The following A1CF variants were observed in gnomAD, a reference collection of about 807,000 sequenced individuals.
The protein encoded by A1CF is APOBEC1 complementation factor, also known as APOBEC-1 stimulating protein.
A neutral mutation model predicts 68.9 loss-of-function variants in A1CF; 48 were observed. The observed-to-expected ratio is 0.70, with a 90% CI of 0.55 to 0.89. The LOEUF (loss-of-function observed/expected upper bound fraction) is 0.89. Ranked by LOEUF, A1CF falls within the 40% of genes least tolerant of loss-of-function variation. The pLI is 0.00. For missense variants in A1CF, 653 were observed against 718.9 expected (o/e 0.91, Z 1.05); for synonymous variants, 272 against 260.4 (o/e 1.04, Z -0.43).
At chr10:50,862,629 A>G (rs756205079) in intron 2 of A1CF, among the ~76,000 whole-genome samples, 4 of 152,166 alleles carry the variant, frequency 2.6e-5, no homozygotes, top group Non-Finnish European at 4.4e-5. Flanking sequence ...AGGGCATTGC[A>G]TTTTAGGGGG....
At chr10:50,872,665 ATG>A (rs1841323748) in intron 1 of A1CF, among the ~76,000 whole-genome samples, 1 of 152,120 alleles carries the variant, frequency 6.6e-6, no homozygotes. Flanking sequence ...CTGAAGCACT[ATG>A]GTAACTTAGC....
intron 9 of A1CF, among the ~76,000 whole-genome samples, chr10:50,815,702 A>G (rs1400604496): frequency 6.6e-6 from 1 of 152,190 alleles, no homozygotes; most frequent in Non-Finnish European, 1.5e-5. Context: ...GACAAGTGAT[A>G]TAGAAGAAGC....
intron 1 of A1CF, among the ~76,000 whole-genome samples, chr10:50,867,053 T>C (rs1471578552): frequency 6.7e-6 from 1 of 150,212 alleles, no homozygotes; most frequent in Non-Finnish European, 1.5e-5. Flanking sequence ...AAATGGTAAA[T>C]TGGGGAAGAT....
chr10:50,816,210 T>C lies in A1CF; in HGVS notation c.937A>G (p.Thr313Ala). Residue 313 changes from threonine to alanine, a missense_variant, in exon 9 of 13, where the codon ACC becomes GCC. By Grantham distance (58) the Thr-to-Ala change is moderately conservative. Transcript: ENST00000373997. ...PVDKDSYVRY[T>A]RGTGGRGTML... ...GTGCCCCTTCCACCTGTGCCTCGGG[T>C]ATACCTAACATAACTGTCCTTGTCC... 1 of 1,613,796 alleles carries C rather than the reference T, an allele frequency of 6.2e-7. No individual in the cohort carries two copies. Among genetic ancestry groups the C allele is most frequent in the South Asian group, 1.1e-5 (1 of 91,080 alleles).
chr10:50,882,969 T>C (rs1378783175), intron 1 of A1CF, among the ~76,000 whole-genome samples: 2 of 152,196 alleles, frequency 1.3e-5, no homozygotes, highest in Non-Finnish European at 2.9e-5. Context: ...TGGGGTTTTA[T>C]AACTAAGAGT....
chr10:50,837,720 C>A (rs931332232), intron 5 of A1CF, among the ~76,000 whole-genome samples: 6 of 152,136 alleles, frequency 3.9e-5, no homozygotes, highest in Non-Finnish European at 8.8e-5. Flanking sequence ...TTCTAAATGC[C>A]CCCTTGGGTG....
At chr10:50,835,790 T>C (rs1213866128) in intron 6 of A1CF, among the ~76,000 whole-genome samples, 1 of 152,052 alleles carries the variant, frequency 6.6e-6, no homozygotes, top group Non-Finnish European at 1.5e-5. Flanking sequence ...ATTGATATAC[T>C]TAATTTTAAG....
chr10:50,880,103 A>C (rs1487997296), intron 1 of A1CF, among the ~76,000 whole-genome samples: 2 of 152,206 alleles, frequency 1.3e-5, no homozygotes, highest in African/African-American at 4.8e-5. Flanking sequence ...TCTCATTCTA[A>C]CAAAAACCCA....
chr10:50,879,308 C>T (rs2132623072), intron 1 of A1CF, among the ~76,000 whole-genome samples: 1 of 152,270 alleles, frequency 6.6e-6, no homozygotes, highest in South Asian at 2.1e-4. Flanking sequence ...GTAGGAGGTG[C>T]TATGTCCTCT....
intron 3 of A1CF, among the ~76,000 whole-genome samples, chr10:50,853,732 A>G (rs1840350640): frequency 6.8e-6 from 1 of 147,776 alleles, no homozygotes; most frequent in African/African-American, 2.5e-5. Flanking sequence ...AGGCTAAGGA[A>G]TCGAGTTGGA....
intron 3 of A1CF, among the ~76,000 whole-genome samples, chr10:50,852,495 T>C (rs542363732): frequency 1.3e-5 from 2 of 152,274 alleles, no homozygotes; most frequent in East Asian, 3.9e-4. Flanking sequence ...GTGATAAGCT[T>C]AGGGAAGCAT....
intron 7 of A1CF, among the ~76,000 whole-genome samples, chr10:50,825,557 C>T (rs1165523517): frequency 6.6e-6 from 1 of 152,140 alleles, no homozygotes; most frequent in Admixed American, 6.6e-5. Context: ...TTATCAGCAA[C>T]ATCCACCAAA....
chr10:50,808,401 G>A (rs1837935507), intron 12 of A1CF, among the ~76,000 whole-genome samples: 1 of 152,208 alleles, frequency 6.6e-6, no homozygotes, highest in Non-Finnish European at 1.5e-5. Context: ...CAATGTGAAA[G>A]CAAACTTTAA....
At chr10:50,852,844 G>GA (rs1363411350) in intron 3 of A1CF, among the ~76,000 whole-genome samples, 1 of 152,044 alleles carries the variant, frequency 6.6e-6, no homozygotes, top group East Asian at 1.9e-4. Flanking sequence ...TTATTTATAG[G>GA]AAAAAATGCC....
intron 1 of A1CF, among the ~76,000 whole-genome samples, chr10:50,870,889 A>T (rs1295616925): frequency 6.6e-6 from 1 of 151,792 alleles, no homozygotes; most frequent in African/African-American, 2.4e-5. Context: ...AATAATATAC[A>T]ATGAACAAGA....
chr10:50,824,947 G>A (rs1230232708), intron 7 of A1CF, among the ~76,000 whole-genome samples: 1 of 152,148 alleles, frequency 6.6e-6, no homozygotes, highest in Non-Finnish European at 1.5e-5. Context: ...CAGTAAGGTG[G>A]TCCATCATTT....
intron 1 of A1CF, among the ~76,000 whole-genome samples, chr10:50,870,513 C>T (rs1033612457): frequency 1.3e-5 from 2 of 151,596 alleles, no homozygotes; most frequent in Non-Finnish European, 3.0e-5. Flanking sequence ...AATACTTTTA[C>T]CAATAATTTG....
At chr10:50,823,400 G>T (rs925241295) in intron 7 of A1CF, 1 of 152,088 alleles carries the variant, frequency 6.6e-6, no homozygotes, top group Non-Finnish European at 1.5e-5. Flanking sequence ...AGAAGAAAAA[G>T]ATCCTCTGAA....
At chr10:50,860,935 G>A (rs1191778082) in intron 2 of A1CF, among the ~76,000 whole-genome samples, 1 of 152,070 alleles carries the variant, frequency 6.6e-6, no homozygotes, top group African/African-American at 2.4e-5. Flanking sequence ...TTCTTTGCTG[G>A]GTTTTCACCC....
Sources: allele counts gnomAD v4.1 joint callset (sites outside exome capture counted in the v4.1 genomes callset), GRCh38; gene constraint gnomAD v4.1.1; transcripts MANE v1.5; gene names NCBI Gene and HGNC (gene_info 2026-07-23, HGNC 2026-07-21).